PLA2G5: variants seen among roughly 807,000 people sequenced by gnomAD.
The protein encoded by PLA2G5 is phospholipase A2 group V, also known as Ca2+-dependent phospholipase A2.
A neutral mutation model predicts 15.9 loss-of-function variants in PLA2G5; 12 were observed. The ratio of observed to expected loss-of-function variants is 0.76; its 90% CI spans 0.48 to 1.23. The LOEUF (loss-of-function observed/expected upper bound fraction) is 1.23. PLA2G5 is among the 50% of genes most tolerant of loss of function. The pLI is 0.00. For missense variants in PLA2G5, 169 were observed against 177.1 expected, an observed-to-expected ratio of 0.95 and a Z score of 0.26; for synonymous variants, 71 against 71.4, an observed-to-expected ratio of 0.99 and a Z score of 0.03.
In PLA2G5 at chr1:20,077,673, T is replaced by C. The variant is rs1004683582; in HGVS notation, c.-10-7148T>C. Among the ~76,000 whole-genome samples the C allele has an allele frequency of 1.3e-5, 2 of 152,194 alleles. 1 individual carries two copies. Among genetic ancestry groups the C allele is most frequent in the South Asian group, 4.1e-4 (2 of 4,824 alleles). ...ACTTATCTCATCGAATTATCAGCGTTACTAAGTGAGTCTGGTTCTATGATT... is the reference window on the plus strand; with the variant it reads ...ACTTATCTCATCGAATTATCAGCGTCACTAAGTGAGTCTGGTTCTATGATT... On this transcript the variant is annotated intron_variant, in intron 1 of 4. Transcript: ENST00000375108.
In PLA2G5 at chr1:20,080,120, G is replaced by A. The variant is rs138854444; in HGVS notation, c.-10-4701G>A. Among the ~76,000 whole-genome samples the A allele has an allele frequency of 1.9e-4, 29 of 152,280 alleles. 1 individual carries two copies. The highest frequency in any genetic ancestry group is 5.5e-4 in the African/African-American group (23 of 41,562). ...GCAAAACAGGATAAAATCTGAGCAG[G>A]AGCCCACGGCTGGGGGACTTGGCAA... On this transcript the variant is annotated intron_variant, in intron 1 of 4. Coordinates refer to ENST00000375108, the MANE Select transcript of PLA2G5 (RefSeq NM_000929.3).
intron 1 of PLA2G5, among the ~76,000 whole-genome samples, chr1:20,046,504 C>T (rs1334664373): frequency 6.6e-6 from 1 of 152,168 alleles, no homozygotes; most frequent in Non-Finnish European, 1.5e-5. Context: ...CCTCTCTTGC[C>T]ATCTGCAGCA....
Position 20,076,512 on chromosome 1 carries a change from G to A in PLA2G5, c.-11+6047G>A, listed in dbSNP as rs138257288. ...AAGAACACAGATTTGACAGACAGAT[G>A]GGTCAGGTGTACGATTCTGGGTCCT... On this transcript the variant is annotated intron_variant, in intron 1 of 4. Transcript: ENST00000375108. 1.1e-4 allele frequency among the ~76,000 whole-genome samples: 16 copies of A among 152,252 alleles called. No individual in the cohort carries two copies. The East Asian group carries it at 3.1e-3, about 29-fold the overall frequency.
chr1:20,035,372 G>A (rs1485382524), intron 1 of PLA2G5, among the ~76,000 whole-genome samples: 1 of 152,138 alleles, frequency 6.6e-6, no homozygotes, highest in Non-Finnish European at 1.5e-5. Context: ...TTTTCCGGCA[G>A]AATGTGGTGT....
intron 1 of PLA2G5, among the ~76,000 whole-genome samples, chr1:20,053,830 A>T (rs2014300270): frequency 6.6e-6 from 1 of 152,116 alleles, no homozygotes; most frequent in African/African-American, 2.4e-5. Flanking sequence ...ATTAGGGTTG[A>T]CTCTTTGTGT....
intron 1 of PLA2G5, among the ~76,000 whole-genome samples, chr1:20,057,745 T>C (rs971906926): frequency 1.3e-5 from 2 of 152,180 alleles, no homozygotes; most frequent in Admixed American, 1.3e-4. Context: ...GTGATTCACC[T>C]GCCTTGACCT....
Position 20,081,500 on chromosome 1 carries a change from C to T in PLA2G5, c.-10-3321C>T, listed in dbSNP as rs367549310. On this transcript the variant is annotated intron_variant, in intron 1 of 4. Coordinates refer to ENST00000375108, the MANE Select transcript of PLA2G5 (RefSeq NM_000929.3). ...CAGGTCGGCAGGTCAGGAGGAGCCA[C>T]GGGAAGCATCGCCCAGGGCCTTTGC... is the stretch of plus-strand genomic sequence containing the variant. Among the ~76,000 whole-genome samples the T allele has an allele frequency of 5.1e-4, 78 of 152,004 alleles. 1 individual carries two copies. Among genetic ancestry groups the T allele is most frequent in the African/African-American group, 1.7e-3 (69 of 41,288 alleles).
intron 1 of PLA2G5, among the ~76,000 whole-genome samples, chr1:20,084,429 A>G (rs903176280): frequency 6.6e-6 from 1 of 152,182 alleles, no homozygotes; most frequent in African/African-American, 2.4e-5. Context: ...TCCGTCTTAC[A>G]TCTTTCATCA....
intron 1 of PLA2G5, among the ~76,000 whole-genome samples, chr1:20,073,749 A>T (rs1336901249): frequency 1.3e-5 from 2 of 152,050 alleles, no homozygotes; most frequent in Non-Finnish European, 2.9e-5. Context: ...CCAGCGTGGT[A>T]ATCCCAGCTA....
chr1:20,079,520 T>C (rs190081788), intron 1 of PLA2G5, among the ~76,000 whole-genome samples: 15 of 152,288 alleles, frequency 9.8e-5, no homozygotes, highest in Non-Finnish European at 2.2e-4. Flanking sequence ...ATTCATTTAT[T>C]CATTAATAGA....
chr1:20,084,956 G>T, intron 2 of PLA2G5, 86 bp downstream of exon 2: 1 of 933,822 alleles, frequency 1.1e-6, no homozygotes, highest in Non-Finnish European at 1.8e-6. Context: ...CATTGAGGTC[G>T]TAGAGACTTG....
At chr1:20,083,093 C>T (rs755682432) in intron 1 of PLA2G5, among the ~76,000 whole-genome samples, 2 of 151,962 alleles carry the variant, frequency 1.3e-5, no homozygotes, top group African/African-American at 2.4e-5. Context: ...TGTGCCACAG[C>T]TCCAGGGAGC....
intron 2 of PLA2G5, among the ~76,000 whole-genome samples, chr1:20,060,065 C>A (rs2014631205): frequency 6.6e-6 from 1 of 151,962 alleles, no homozygotes; most frequent in African/African-American, 2.4e-5. Context: ...GAGAAAAGCC[C>A]AGCCCAGTGG....
chr1:20,090,159 T>G (rs528430098), intron 4 of PLA2G5, among the ~76,000 whole-genome samples: 1 of 152,336 alleles, frequency 6.6e-6, no homozygotes, highest in Non-Finnish European at 1.5e-5. Flanking sequence ...TTCTCCATTT[T>G]AGACATCAAG....
intron 1 of PLA2G5, among the ~76,000 whole-genome samples, chr1:20,054,576 A>G (rs770890233): frequency 6.6e-6 from 1 of 151,382 alleles, no homozygotes; most frequent in Non-Finnish European, 1.5e-5. Flanking sequence ...AAATATGTTT[A>G]ATGTTTTCCT....
chr1:20,073,620 C>T (rs998574802), intron 1 of PLA2G5, among the ~76,000 whole-genome samples: 2 of 152,170 alleles, frequency 1.3e-5, no homozygotes, highest in Non-Finnish European at 2.9e-5. Flanking sequence ...CGGTGGCTGA[C>T]ACCTGTGACC....
chr1:20,081,874 A>G (rs1048036748), intron 1 of PLA2G5, among the ~76,000 whole-genome samples: 2 of 151,860 alleles, frequency 1.3e-5, no homozygotes, highest in African/African-American at 4.9e-5. Flanking sequence ...TAACATGGTG[A>G]AACCCATCTC....
chr1:20,069,167 G>A, upstream of PLA2G5: 1 of 399,532 alleles, frequency 2.5e-6, no homozygotes, highest in Non-Finnish European at 5.0e-6. Context: ...GGTGCCGCTA[G>A]GAATGTAAAC....
At position 20,090,647 on chromosome 1, in the gene PLA2G5, C is replaced by T. The variant is rs1189901330; in HGVS notation, c.372C>T (p.Ser124=). 1.2e-6 allele frequency: 2 copies of T among 1,613,954 alleles called. No homozygotes were observed. The highest frequency in any genetic ancestry group is 1.3e-5 in the African/African-American group (1 of 74,932). The change falls in exon 5 of 5, where the codon AGC becomes AGT. Residue 124 remains serine (S), a synonymous_variant. Transcript: ENST00000375108. Reference sequence around the variant, plus strand: ...ACTGCCTCAAGAGAAACCTACGGAGCTACAACCCACAGTACCAATACTTTC... The same window carrying T: ...ACTGCCTCAAGAGAAACCTACGGAGTTACAACCCACAGTACCAATACTTTC... The part of the protein sequence containing the change: ...LVYCLKRNLR[S]YNPQYQYFPN...
Sources: gnomAD v4.1 joint callset for allele counts (sites outside exome capture counted in the v4.1 genomes callset) on GRCh38, gnomAD v4.1.1 for gene constraint, MANE v1.5 for transcripts, NCBI Gene and HGNC (gene_info 2026-07-23, HGNC 2026-07-21) for gene names.